TAFA1: variants seen among roughly 807,000 people sequenced by gnomAD.
TAFA1 encodes chemokine-like protein TAFA-1.
TAFA1 carries 4 observed loss-of-function variants against 18.5 expected under a neutral mutation model. The ratio of observed to expected loss-of-function variants is 0.22; its 90% confidence interval spans 0.11 to 0.49. The LOEUF (loss-of-function observed/expected upper bound fraction) is 0.49. TAFA1 is among the 20% of genes least tolerant of loss of function. The pLI is 0.98. For synonymous variants in TAFA1, 56 were observed against 55.2 expected, an observed-to-expected ratio of 1.01 and a Z score of -0.06; for missense variants, 147 against 169.0, an observed-to-expected ratio of 0.87 and a Z score of 0.72.
At chr3:68,221,844 CAA>C (rs2066734856) in intron 2 of TAFA1, among the ~76,000 whole-genome samples, 1 of 152,082 alleles carries the variant, frequency 6.6e-6, no homozygotes, top group Non-Finnish European at 1.5e-5. Context: ...ACACCACTAA[CAA>C]TCACATTTTG....
intron 2 of TAFA1, among the ~76,000 whole-genome samples, chr3:68,369,798 T>C (rs2069644371): frequency 6.6e-6 from 1 of 152,146 alleles, no homozygotes; most frequent in African/African-American, 2.4e-5. Flanking sequence ...GGTGTGCACA[T>C]TTGCACATTC....
intron 2 of TAFA1, among the ~76,000 whole-genome samples, chr3:68,404,905 T>A (rs2070567668): frequency 6.6e-6 from 1 of 152,182 alleles, no homozygotes; most frequent in East Asian, 1.9e-4. Flanking sequence ...GGACAGTATT[T>A]TACAGCCACT....
chr3:68,377,966 A>G (rs960087797), intron 2 of TAFA1, among the ~76,000 whole-genome samples: 1 of 152,134 alleles, frequency 6.6e-6, no homozygotes, highest in African/African-American at 2.4e-5. Flanking sequence ...GAGGTTTGGG[A>G]TCCTCTGCCT....
chr3:68,353,529 G>A (rs9860653), intron 2 of TAFA1, among the ~76,000 whole-genome samples: 1 of 152,006 alleles, frequency 6.6e-6, no homozygotes, highest in Non-Finnish European at 1.5e-5. Context: ...AGCTAGGTTT[G>A]TGGACAAGTA....
intron 2 of TAFA1, among the ~76,000 whole-genome samples, chr3:68,268,152 A>T (rs2067584519): frequency 6.6e-6 from 1 of 152,120 alleles, no homozygotes; most frequent in African/African-American, 2.4e-5. Flanking sequence ...TCCAAAAATA[A>T]AGTTCTAAGG....
rs924987297 is a variant in TAFA1 at position 68,111,235 on chromosome 3, G to T, written c.118+104491G>T. On this transcript the variant is annotated intron_variant, in intron 2 of 4. Transcript: ENST00000478136. ...CATTTTGGGTAGGTGCAATCTACTA[G>T]TAGCTGACTTTTCAACCGAAATAAT... 2.0e-5 allele frequency among the ~76,000 whole-genome samples: 3 copies of T among 152,260 alleles called. No homozygotes were observed. The East Asian group carries it at 5.8e-4, about 29-fold the overall frequency.
chr3:68,446,616 A>G (rs970524096), intron 3 of TAFA1, among the ~76,000 whole-genome samples: 1 of 152,232 alleles, frequency 6.6e-6, no homozygotes, highest in African/African-American at 2.4e-5. Flanking sequence ...GATGGACAGA[A>G]GACTTATGTC....
At chr3:68,093,102 T>G (rs993922489) in intron 2 of TAFA1, among the ~76,000 whole-genome samples, 2 of 152,082 alleles carry the variant, frequency 1.3e-5, no homozygotes, top group African/African-American at 4.8e-5. Context: ...TGGGTGGCAT[T>G]AAACAAAGAA....
chr3:68,180,176 GT>G (rs1267645288), intron 2 of TAFA1, among the ~76,000 whole-genome samples: 2 of 142,732 alleles, frequency 1.4e-5, no homozygotes, highest in East Asian at 4.2e-4. Flanking sequence ...GGGACTACAG[GT>G]GTGCACCACC....
At chr3:68,040,513 CCG>C (rs1234989988) in intron 2 of TAFA1, among the ~76,000 whole-genome samples, 1 of 152,120 alleles carries the variant, frequency 6.6e-6, no homozygotes, top group East Asian at 1.9e-4. Flanking sequence ...TATATTAATA[CCG>C]ACTAAAGAGA....
chr3:68,347,847 G>A (rs916726799), intron 2 of TAFA1, among the ~76,000 whole-genome samples: 1 of 152,112 alleles, frequency 6.6e-6, no homozygotes, highest in Admixed American at 6.6e-5. Context: ...AACTTGTTCA[G>A]GATAATGTCT....
At chr3:68,336,412 C>G (rs1447400985) in intron 2 of TAFA1, among the ~76,000 whole-genome samples, 1 of 152,142 alleles carries the variant, frequency 6.6e-6, no homozygotes, top group African/African-American at 2.4e-5. Context: ...AAAAGCTAGG[C>G]TCAAGAATTA....
At chr3:68,481,322 G>T (rs1249065609) in intron 3 of TAFA1, among the ~76,000 whole-genome samples, 1 of 152,172 alleles carries the variant, frequency 6.6e-6, no homozygotes, top group Non-Finnish European at 1.5e-5. Flanking sequence ...ACAATGGATT[G>T]GGGGTCTATA....
chr3:68,447,406 C>T (rs993390916), intron 3 of TAFA1, among the ~76,000 whole-genome samples: 1 of 152,142 alleles, frequency 6.6e-6, no homozygotes, highest in Non-Finnish European at 1.5e-5. Flanking sequence ...AGTTCCCTCC[C>T]CTAAATTTGC....
At chr3:68,216,696 A>T (rs905654956) in intron 2 of TAFA1, among the ~76,000 whole-genome samples, 13 of 152,082 alleles carry the variant, frequency 8.5e-5, no homozygotes, top group African/African-American at 3.1e-4. Flanking sequence ...GGGACAGGAA[A>T]TACATAAGAT....
chr3:68,186,039 G>A (rs1033861848), intron 2 of TAFA1, among the ~76,000 whole-genome samples: 5 of 152,098 alleles, frequency 3.3e-5, no homozygotes, highest in South Asian at 2.1e-4. Flanking sequence ...AGCAGTGTTA[G>A]GAGGTAAAGT....
intron 3 of TAFA1, among the ~76,000 whole-genome samples, chr3:68,467,846 T>C (rs1193090536): frequency 6.6e-6 from 1 of 152,080 alleles, no homozygotes; most frequent in Non-Finnish European, 1.5e-5. Flanking sequence ...AACATGGAAA[T>C]CCAAAAGTCA....
chr3:68,443,732 C>T (rs1197475255), intron 3 of TAFA1, among the ~76,000 whole-genome samples: 2 of 152,080 alleles, frequency 1.3e-5, no homozygotes, highest in Admixed American at 1.3e-4. Context: ...TCCCATGATA[C>T]ATGGGAATTG....
chr3:68,095,855 G>A (rs1282353181), intron 2 of TAFA1, among the ~76,000 whole-genome samples: 1 of 151,556 alleles, frequency 6.6e-6, no homozygotes, highest in African/African-American at 2.4e-5. Flanking sequence ...ATATTTATTG[G>A]GTACACATAA....
Sources: allele counts gnomAD v4.1 joint callset (sites outside exome capture counted in the v4.1 genomes callset), GRCh38; gene constraint gnomAD v4.1.1; transcripts MANE v1.5; gene names NCBI Gene and HGNC (gene_info 2026-07-23, HGNC 2026-07-21).